Variants in BIK observed in about 807,000 individuals in gnomAD.
BIK encodes the protein BCL2 interacting killer.
Under a neutral mutation model 12.1 loss-of-function variants are expected in BIK, and 14 were observed. The observed-to-expected ratio is 1.16, with a 90% confidence interval of 0.77 to 1.81. The LOEUF (loss-of-function observed/expected upper bound fraction) is 1.81, where lower values mean the gene tolerates loss of function less well. BIK is among the 40% of genes most tolerant of loss of function. The pLI is 0.00. For synonymous variants in BIK, 86 were observed against 92.3 expected, an observed-to-expected ratio of 0.93 and a Z score of 0.39; for missense variants, 215 against 207.9, an observed-to-expected ratio of 1.03 and a Z score of -0.21.
Position 43,129,478 on chromosome 22 carries a change from T to G in BIK, c.*173T>G. 1 of 1,158,110 alleles carries G rather than the reference T, an allele frequency of 8.6e-7. No individual in the cohort carries two copies. Among genetic ancestry groups the G allele is most frequent in the East Asian group, 2.7e-5 (1 of 36,418 alleles). 71.7% of individuals were successfully genotyped at this position (1,158,110 alleles called of 1,614,324 possible). On this transcript the variant is annotated 3_prime_UTR_variant, in exon 5 of 5. Coordinates refer to ENST00000216115, the MANE Select transcript of BIK (RefSeq NM_001197.5). ...TTTATACTCAGGTTTTTTGTTTTTT[T>G]TTTATTCCAGTTTTCGTTTTTTCTA...
chr22:43,119,006 G>A (rs1435004453), intron 1 of BIK, among the ~76,000 whole-genome samples: 1 of 151,980 alleles, frequency 6.6e-6, no homozygotes, highest in Non-Finnish European at 1.5e-5. Context: ...GAGCTGTCGA[G>A]TGCAGAGCTG....
intron 1 of BIK, among the ~76,000 whole-genome samples, chr22:43,113,363 A>C (rs1930047379): frequency 6.6e-6 from 1 of 152,086 alleles, no homozygotes; most frequent in East Asian, 1.9e-4. Context: ...GCTGGAGTGC[A>C]ATGGCTGGGA....
chr22:43,114,942 C>G (rs1043957061), intron 1 of BIK, among the ~76,000 whole-genome samples: 10 of 152,230 alleles, frequency 6.6e-5, no homozygotes, highest in Non-Finnish European at 1.2e-4. Context: ...GTCTCCCAGC[C>G]AGGAACAGCC....
chr22:43,128,472 TC>T lies in BIK; in HGVS notation c.261-18del, dbSNP rs776314648. 1.1e-5 allele frequency: 17 copies of T among 1,566,540 alleles called. No individual in the cohort carries two copies. In the Admixed American group the frequency reaches 2.3e-4, roughly 21 times the overall value. On this transcript the variant is annotated intron_variant, in intron 3 of 4. Transcript: ENST00000216115. ...ACCTGCTCCTGCAGTAATGGCTTTG[TC>T]CCCCCATCCTCTTTGTCTATAGCCT...
chr22:43,128,130 T>C (rs1425769190), intron 3 of BIK, among the ~76,000 whole-genome samples: 1 of 151,178 alleles, frequency 6.6e-6, no homozygotes, highest in African/African-American at 2.4e-5. Flanking sequence ...TCCTAGATCC[T>C]GGGGGCTGGG....
At chr22:43,127,079 G>A (rs925452695) in intron 2 of BIK, among the ~76,000 whole-genome samples, 4 of 152,142 alleles carry the variant, frequency 2.6e-5, no homozygotes, top group Non-Finnish European at 4.4e-5. Flanking sequence ...CTGGGAGGGT[G>A]GGGAGTGTCT....
chr22:43,125,723 C>CA (rs777943151), intron 2 of BIK, among the ~76,000 whole-genome samples: 1 of 150,262 alleles, frequency 6.7e-6, no homozygotes, highest in African/African-American at 2.4e-5. Context: ...CTCCGTTTCA[C>CA]AAAAAAAGAG....
At chr22:43,126,482 C>T (rs141398810) in intron 2 of BIK, among the ~76,000 whole-genome samples, 211 of 152,262 alleles carry the variant, frequency 1.4e-3, no homozygotes, top group African/African-American at 4.7e-3. Context: ...CCACCACACC[C>T]GGCCAGGACT....
intron 2 of BIK, among the ~76,000 whole-genome samples, chr22:43,125,486 A>G: frequency 6.6e-6 from 1 of 150,888 alleles, no homozygotes; most frequent in Admixed American, 6.6e-5. Context: ...TGGGCGGATC[A>G]CCTGAGGTTG....
At chr22:43,129,094 C>T in intron 4 of BIK, 119 bp from the exon 5 acceptor site, 1 of 1,548,914 alleles carries the variant, frequency 6.5e-7, no homozygotes, top group Non-Finnish European at 8.8e-7. Context: ...TCTCTGGTCC[C>T]CTCGAGCTCC....
chr22:43,129,002 C>G (rs11574526), intron 4 of BIK, among the ~76,000 whole-genome samples: 1 of 152,212 alleles, frequency 6.6e-6, no homozygotes, highest in Non-Finnish European at 1.5e-5. Context: ...GCCTGTGTCC[C>G]GCAGACTGGC....
At chr22:43,126,242 G>T (rs1387354410) in intron 2 of BIK, among the ~76,000 whole-genome samples, 1 of 149,830 alleles carries the variant, frequency 6.7e-6, no homozygotes, top group Admixed American at 6.7e-5. Context: ...CTGGAGTACA[G>T]TGGCATGATC....
In BIK at chr22:43,129,296, G is replaced by T; in HGVS notation, c.474G>T (p.Leu158=). The T allele has an allele frequency of 6.3e-7, 1 of 1,599,548 alleles. No homozygotes were observed. The change falls in exon 5 of 5, where the codon CTG becomes CTT. Residue 158 remains leucine (L), a synonymous_variant. Coordinates refer to ENST00000216115, the MANE Select transcript of BIK (RefSeq NM_001197.5). Reference sequence around the variant, plus strand: ...TGCTCAGCGGGGGCCTGCACCTGCTGCTCAAGTGAGGCCCCGGCGGCTCAG... The same window carrying T: ...TGCTCAGCGGGGGCCTGCACCTGCTTCTCAAGTGAGGCCCCGGCGGCTCAG... ...LPLLSGGLHL[L]LK
At chr22:43,120,127 C>A (rs4988394) in intron 1 of BIK, among the ~76,000 whole-genome samples, 24,516 of 152,144 alleles carry the variant, frequency 0.16, 2,267 homozygotes, top group African/African-American at 0.25. Context: ...GTGTGGTTAG[C>A]GCGGGAACCA....
intron 1 of BIK, among the ~76,000 whole-genome samples, chr22:43,118,805 C>T (rs1030081988): frequency 6.6e-6 from 1 of 152,048 alleles, no homozygotes; most frequent in South Asian, 2.1e-4. Context: ...ACCAGGAGTT[C>T]GACCTCATCC....
chr22:43,111,864 C>T (rs1930017867), intron 1 of BIK, among the ~76,000 whole-genome samples: 1 of 152,104 alleles, frequency 6.6e-6, no homozygotes, highest in African/African-American at 2.4e-5. Flanking sequence ...GAGCAGGAGG[C>T]CTCATCTTCC....
intron 2 of BIK, 31 bp from the exon 3 acceptor site, chr22:43,127,666 C>T: frequency 2.0e-6 from 3 of 1,534,532 alleles, no homozygotes; most frequent in Non-Finnish European, 1.8e-6. Flanking sequence ...ACGGCACAGC[C>T]ACACCCGACT....
Position 43,129,198 on chromosome 22 carries a change from G to C in BIK, c.391-15G>C, listed in dbSNP as rs751592000. The C allele has an allele frequency of 1.4e-5, 23 of 1,603,440 alleles. No individual in the cohort carries two copies. In the South Asian group the frequency reaches 2.5e-4, roughly 18 times the overall value. ...GGCCTGCCCCGAGCCTGACTCCTCT[G>C]CTTTGCTCCCACAGGTGTCCTGCGA... On this transcript the variant is annotated splice_polypyrimidine_tract_variant and intron_variant, in intron 4 of 4. Coordinates refer to ENST00000216115, the MANE Select transcript of BIK (RefSeq NM_001197.5).
intron 1 of BIK, among the ~76,000 whole-genome samples, chr22:43,114,183 G>C (rs1463204745): frequency 6.6e-6 from 1 of 152,196 alleles, no homozygotes; most frequent in African/African-American, 2.4e-5. Context: ...TTTTCTGGGG[G>C]TGGGACAGAA....
Sources: allele counts gnomAD v4.1 joint callset (sites outside exome capture counted in the v4.1 genomes callset), GRCh38; gene constraint gnomAD v4.1.1; transcripts MANE v1.5; gene names NCBI Gene and HGNC (gene_info 2026-07-23, HGNC 2026-07-21).